CTNNA2: variants seen among roughly 807,000 people sequenced by gnomAD.
CTNNA2 encodes catenin alpha-2.
A neutral mutation model predicts 101.0 loss-of-function variants in CTNNA2; 42 were observed. The ratio of observed to expected loss-of-function variants is 0.42; its 90% CI spans 0.32 to 0.54. The LOEUF is 0.54. CTNNA2 is among the 20% of genes least tolerant of loss of function. The probability of loss-of-function intolerance (pLI) is 0.14; values close to 1 mark genes in which losing one functional copy is unlikely to be tolerated. For synonymous variants in CTNNA2, 450 were observed against 456.4 expected (o/e 0.99, Z 0.18); for missense variants, 871 against 1,223.1 (o/e 0.71, Z 4.29).
rs370209746 is a variant in CTNNA2 at position 79,468,920 on chromosome 2, G to A, written c.-134-36134G>A. ...TTTATAGCACTAAATACCCACAAGA[G>A]AAAGCAGGAAAGATCTAAAATTGAC... On this transcript the variant is annotated intron_variant, in intron 4 of 21. Coordinates refer to the CTNNA2 transcript ENST00000466387. Among the ~76,000 whole-genome samples the A allele has an allele frequency of 2.0e-5, 3 of 152,246 alleles. No individual in the cohort carries two copies. In the East Asian group the frequency reaches 5.8e-4, roughly 29 times the overall value.
intron 3 of CTNNA2, among the ~76,000 whole-genome samples, chr2:79,338,529 AAG>A (rs1677048523): frequency 6.6e-6 from 1 of 152,068 alleles, no homozygotes; most frequent in South Asian, 2.1e-4. Context: ...AAAATACTTT[AAG>A]AAGTGAGTAA....
chr2:80,170,612 G>C (rs1243431766), intron 7 of CTNNA2, among the ~76,000 whole-genome samples: 3 of 152,016 alleles, frequency 2.0e-5, no homozygotes. Context: ...CCCTTTCCTG[G>C]GTGTACTGGG....
chr2:79,909,912 GAGTC>G, intron 7 of CTNNA2, 115 bp downstream of exon 7: 1 of 1,092,932 alleles, frequency 9.1e-7, no homozygotes, highest in Non-Finnish European at 1.3e-6. Context: ...TTACCAAAGA[GAGTC>G]AGGTGAAACC....
intron 14 of CTNNA2, among the ~76,000 whole-genome samples, chr2:80,585,798 A>T (rs1461457885): frequency 6.6e-6 from 1 of 152,116 alleles, no homozygotes; most frequent in Non-Finnish European, 1.5e-5. Flanking sequence ...CCTTTTTTTA[A>T]ATTCCAGTTT....
intron 7 of CTNNA2, among the ~76,000 whole-genome samples, chr2:80,308,354 T>C (rs1677222394): frequency 6.6e-6 from 1 of 152,204 alleles, no homozygotes; most frequent in Non-Finnish European, 1.5e-5. Flanking sequence ...TAATGTTCTG[T>C]CATCGCTAGC....
chr2:80,536,628 T>A (rs1691049849), intron 9 of CTNNA2, among the ~76,000 whole-genome samples: 1 of 152,154 alleles, frequency 6.6e-6, no homozygotes, highest in South Asian at 2.1e-4. Flanking sequence ...AAAGGGAAAA[T>A]GTTCTCATTT....
At chr2:80,075,647 ATAAAAAT>A (rs1423276719) in intron 7 of CTNNA2, among the ~76,000 whole-genome samples, 1,470 of 99,562 alleles carry the variant, frequency 0.015, 17 homozygotes, top group East Asian at 0.02. Context: ...TATAAATATT[ATAAAAAT>A]AATATTTATA....
intron 7 of CTNNA2, among the ~76,000 whole-genome samples, chr2:80,272,028 G>A (rs968788261): frequency 6.6e-6 from 1 of 152,178 alleles, no homozygotes; most frequent in African/African-American, 2.4e-5. Context: ...GACCATAGGA[G>A]GAAACACTTT....
chr2:79,422,559 A>G (rs1678550737), intron 4 of CTNNA2, among the ~76,000 whole-genome samples: 1 of 152,216 alleles, frequency 6.6e-6, no homozygotes, highest in African/African-American at 2.4e-5. Context: ...CAGAACCAAC[A>G]AAACAAAGTA....
At chr2:79,243,548 A>G (rs1674661773) in intron 2 of CTNNA2, among the ~76,000 whole-genome samples, 1 of 152,220 alleles carries the variant, frequency 6.6e-6, no homozygotes, top group Admixed American at 6.5e-5. Flanking sequence ...TCCACGTACC[A>G]GGTATTTGCC....
intron 3 of CTNNA2, among the ~76,000 whole-genome samples, chr2:79,323,392 C>T (rs928056982): frequency 1.3e-5 from 2 of 152,020 alleles, no homozygotes; most frequent in Non-Finnish European, 2.9e-5. Context: ...AAAGAGTCTA[C>T]GTAACTTGCA....
At chr2:80,247,331 C>T (rs1671403398) in intron 7 of CTNNA2, among the ~76,000 whole-genome samples, 1 of 152,092 alleles carries the variant, frequency 6.6e-6, no homozygotes, top group Admixed American at 6.6e-5. Flanking sequence ...CCGCTTTGAC[C>T]AGTACTTTTA....
intron 2 of CTNNA2, among the ~76,000 whole-genome samples, chr2:79,244,016 C>A (rs1302523025): frequency 6.6e-6 from 1 of 152,116 alleles, no homozygotes; most frequent in African/African-American, 2.4e-5. Flanking sequence ...TTAACCCTGG[C>A]ACCCTCTGAG....
At chr2:79,287,645 C>T (rs1036322393) in intron 2 of CTNNA2, among the ~76,000 whole-genome samples, 6 of 151,788 alleles carry the variant, frequency 4.0e-5, no homozygotes, top group Non-Finnish European at 8.8e-5. Context: ...CCACTGCTCT[C>T]TTCAAAGCTG....
intron 9 of CTNNA2, among the ~76,000 whole-genome samples, chr2:80,472,018 C>A (rs144064622): frequency 1.3e-5 from 2 of 151,674 alleles, no homozygotes; most frequent in African/African-American, 4.8e-5. Context: ...CCCAGCTACT[C>A]GGGAGGCTGA....
At chr2:80,300,164 G>A (rs942440061) in intron 7 of CTNNA2, among the ~76,000 whole-genome samples, 2 of 151,976 alleles carry the variant, frequency 1.3e-5, no homozygotes, top group Non-Finnish European at 2.9e-5. Flanking sequence ...CTCTCTTCTA[G>A]AACACTAATA....
At chr2:79,937,021 A>C (rs989083240) in intron 7 of CTNNA2, among the ~76,000 whole-genome samples, 1 of 152,182 alleles carries the variant, frequency 6.6e-6, no homozygotes, top group South Asian at 2.1e-4. Context: ...CATAGAAAAT[A>C]ATGCCATTGA....
At chr2:80,102,335 C>T (rs1325624183) in intron 7 of CTNNA2, among the ~76,000 whole-genome samples, 2 of 152,144 alleles carry the variant, frequency 1.3e-5, no homozygotes. Flanking sequence ...TATGCTGCTG[C>T]CAGACTCATC....
chr2:80,569,537 C>T (rs891468275), intron 12 of CTNNA2, among the ~76,000 whole-genome samples: 1 of 150,806 alleles, frequency 6.6e-6, no homozygotes, highest in Non-Finnish European at 1.5e-5. Context: ...AAAGGCAATG[C>T]TGCGTTTTGT....
Sources: allele counts gnomAD v4.1 joint callset (sites outside exome capture counted in the v4.1 genomes callset), GRCh38; gene constraint gnomAD v4.1.1; transcripts MANE v1.5; gene names NCBI Gene and HGNC (gene_info 2026-07-23, HGNC 2026-07-21).